The following PCCA variants were observed in gnomAD, a reference collection of about 807,000 sequenced individuals.
PCCA encodes the protein propionyl-CoA carboxylase alpha chain, mitochondrial.
A neutral mutation model predicts 101.3 loss-of-function variants in PCCA; 74 were observed. That is an observed-to-expected ratio of 0.73 (90% CI 0.61 to 0.89). PCCA has a LOEUF of 0.89. PCCA is among the 40% of genes least tolerant of loss of function. The pLI is 0.00. For synonymous variants in PCCA, 294 were observed against 313.6 expected (o/e 0.94, Z 0.66); for missense variants, 891 against 907.0 (o/e 0.98, Z 0.23).
At chr13:100,315,007 T>C (rs2067218590) in intron 16 of PCCA, among the ~76,000 whole-genome samples, 1 of 152,182 alleles carries the variant, frequency 6.6e-6, no homozygotes, top group Non-Finnish European at 1.5e-5. Flanking sequence ...TATACCTTGC[T>C]TTTAGGAGAT....
chr13:100,438,098 C>T (rs919423375), intron 20 of PCCA, among the ~76,000 whole-genome samples: 1 of 151,644 alleles, frequency 6.6e-6, no homozygotes, highest in Non-Finnish European at 1.5e-5. Context: ...TGCTAATGCA[C>T]CATGTTGTTT....
intron 21 of PCCA, among the ~76,000 whole-genome samples, chr13:100,494,510 C>T (rs2085131476): frequency 6.6e-6 from 1 of 151,654 alleles, no homozygotes; most frequent in African/African-American, 2.4e-5. Context: ...ATGGAGAAAC[C>T]CTGCCTCTAC....
Position 100,283,513 on chromosome 13 carries a change from C to G in PCCA, c.1065+10167C>G, listed in dbSNP as rs574528725. The stretch of plus-strand genomic sequence containing the variant: ...GGGAGGCCTTAAGAAAATATACTCC[C>G]CTGTCACCCGAATCACTTGAGGGTC... On this transcript the variant is annotated intron_variant, in intron 12 of 23. Transcript: ENST00000376285. Among the ~76,000 whole-genome samples the G allele has an allele frequency of 2.6e-5, 4 of 152,322 alleles. No individual in the cohort carries two copies. In the South Asian group the frequency reaches 8.3e-4, roughly 32 times the overall value.
intron 21 of PCCA, among the ~76,000 whole-genome samples, chr13:100,476,833 A>G (rs1028850876): frequency 6.6e-6 from 1 of 152,176 alleles, no homozygotes; most frequent in African/African-American, 2.4e-5. Flanking sequence ...CTCTGAGGTC[A>G]GTCCCCAGAG....
intron 18 of PCCA, among the ~76,000 whole-genome samples, chr13:100,361,297 A>ATG (rs72517247): frequency 4.0e-5 from 3 of 74,474 alleles, no homozygotes; most frequent in South Asian, 3.3e-4. Flanking sequence ...GTTAACAGTA[A>ATG]CATTGATATT....
chr13:100,380,370 CCAAA>C (rs1020485435), intron 19 of PCCA, among the ~76,000 whole-genome samples: 6 of 152,188 alleles, frequency 3.9e-5, no homozygotes, highest in South Asian at 2.1e-4. Context: ...TCAAAACCAA[CCAAA>C]CAAACAAACC....
At position 100,419,447 on chromosome 13, in the gene PCCA, G is replaced by A. The variant is rs1222321901; in HGVS notation, c.1747-6186G>A. ...AGATTGTACCACTGTACTCTAGCCT[G>A]GGCAACAGAGCGAGACTTTGTCTCA... is the stretch of plus-strand genomic sequence containing the variant. On this transcript the variant is annotated intron_variant, in intron 19 of 23. Coordinates refer to ENST00000376285, the MANE Select transcript of PCCA (RefSeq NM_000282.4). 4.0e-5 allele frequency among the ~76,000 whole-genome samples: 6 copies of A among 151,032 alleles called. No individual in the cohort carries two copies. The East Asian group carries it at 1.2e-3, about 29-fold the overall frequency.
chr13:100,148,120 G>T (rs919306903), intron 4 of PCCA, among the ~76,000 whole-genome samples: 3 of 151,944 alleles, frequency 2.0e-5, no homozygotes, highest in Non-Finnish European at 2.9e-5. Context: ...TTGAGACAGG[G>T]TCTCACTCTG....
chr13:100,228,917 A>AG (rs58820949), intron 7 of PCCA, among the ~76,000 whole-genome samples: 2 of 149,708 alleles, frequency 1.3e-5, no homozygotes, highest in Non-Finnish European at 3.0e-5. Flanking sequence ...AAAAAAAAAA[A>AG]GCACAAAGTA....
At chr13:100,464,951 GT>G (rs2082405480) in intron 21 of PCCA, among the ~76,000 whole-genome samples, 1 of 152,182 alleles carries the variant, frequency 6.6e-6, no homozygotes, top group South Asian at 2.1e-4. Flanking sequence ...TAGGTAGGCT[GT>G]TTCAGGGCAC....
intron 19 of PCCA, among the ~76,000 whole-genome samples, chr13:100,406,185 C>T (rs1413742475): frequency 6.6e-6 from 1 of 152,180 alleles, no homozygotes; most frequent in African/African-American, 2.4e-5. Flanking sequence ...AGATTCACTC[C>T]TTTCACAGTG....
In PCCA at chr13:100,157,314, GA is replaced by G. The variant is rs1206838893; in HGVS notation, c.446del (p.Asn149ThrfsTer35). The G allele has an allele frequency of 6.2e-7, 1 of 1,611,650 alleles. No homozygotes were observed. Among genetic ancestry groups the G allele is most frequent in the East Asian group, 2.2e-5 (1 of 44,798 alleles). On this transcript the variant is annotated frameshift_variant, in exon 6 of 24. Coordinates refer to ENST00000376285, the MANE Select transcript of PCCA (RefSeq NM_000282.4). LOFTEE classifies it high-confidence loss of function. ...ACATCCAGGTTATGGATTCCTTTCA[GA>G]AAACAAAGAATTTGCCAGATGTTTG... ...AVHPGYGFLS[E>X]NKEFARCLAA... is the part of the protein sequence containing the mutation.
intron 4 of PCCA, chr13:100,154,680 G>A (rs753841970): frequency 1.1e-5 from 4 of 361,522 alleles, no homozygotes; most frequent in East Asian, 6.9e-5. Flanking sequence ...TCAAATTTAT[G>A]TATTGATGAA....
At chr13:100,292,485 C>T (rs991133527) in intron 12 of PCCA, among the ~76,000 whole-genome samples, 9 of 152,140 alleles carry the variant, frequency 5.9e-5, no homozygotes, top group Non-Finnish European at 1.5e-5. Flanking sequence ...AAAATAGTAC[C>T]TGGTTTATAC....
At position 100,203,145 on chromosome 13, in the gene PCCA, G is replaced by T. The variant is rs541888983; in HGVS notation, c.469-6187G>T. ...AAAAATTAGCCGGGCGTGGTGGTGC[G>T]CGTCTGTAGTCCCAGCTACTTGGGA... On this transcript the variant is annotated intron_variant, in intron 6 of 23. Transcript: ENST00000376285. 2.0e-5 allele frequency among the ~76,000 whole-genome samples: 3 copies of T among 151,636 alleles called. No homozygotes were observed. The South Asian group carries it at 6.3e-4, about 32-fold the overall frequency.
chr13:100,438,057 C>T (rs1251612688), intron 20 of PCCA, among the ~76,000 whole-genome samples: 1 of 151,818 alleles, frequency 6.6e-6, no homozygotes, highest in African/African-American at 2.4e-5. Flanking sequence ...AACCAGTGTA[C>T]CTGTGGAGAC....
intron 20 of PCCA, among the ~76,000 whole-genome samples, chr13:100,447,433 T>C (rs1033594031): frequency 1.5e-4 from 22 of 149,768 alleles, no homozygotes; most frequent in Admixed American, 1.2e-3. Context: ...CTCATACCTG[T>C]AATCCCAGCA....
At chr13:100,403,123 G>A (rs932196533) in intron 19 of PCCA, among the ~76,000 whole-genome samples, 1 of 152,064 alleles carries the variant, frequency 6.6e-6, no homozygotes, top group East Asian at 1.9e-4. Context: ...ACTGTAGCAG[G>A]TTGGAGATGG....
chr13:100,512,953 G>A (rs1448504371), intron 21 of PCCA, among the ~76,000 whole-genome samples: 1 of 152,238 alleles, frequency 6.6e-6, no homozygotes, highest in African/African-American at 2.4e-5. Context: ...AGAGATGCTA[G>A]TAAATAGCAG....
Sources: gnomAD v4.1 joint callset for allele counts (sites outside exome capture counted in the v4.1 genomes callset) on GRCh38, gnomAD v4.1.1 for gene constraint, MANE v1.5 for transcripts, NCBI Gene and HGNC (gene_info 2026-07-23, HGNC 2026-07-21) for gene names.